The following GNB1L variants were observed in gnomAD, a reference collection of about 807,000 sequenced individuals.
GNB1L encodes G protein subunit beta 1 like.
A neutral mutation model predicts 29.1 loss-of-function variants in GNB1L; 20 were observed. That is an observed-to-expected ratio of 0.69 (90% CI 0.48 to 1.00). GNB1L has a LOEUF of 1.00. Ranked by LOEUF, GNB1L falls within the 50% of genes least tolerant of loss-of-function variation. The pLI, the probability that GNB1L is intolerant of heterozygous loss-of-function variation, is 0.00. For synonymous variants in GNB1L, 193 were observed against 206.5 expected (o/e 0.93, Z 0.56); for missense variants, 421 against 464.9 (o/e 0.91, Z 0.87).
intron 2 of GNB1L, among the ~76,000 whole-genome samples, chr22:19,829,969 A>G (rs2145888726): frequency 6.6e-6 from 1 of 152,332 alleles, no homozygotes; most frequent in East Asian, 1.9e-4. Flanking sequence ...TCGACATTGT[A>G]GTGGCAGTAT....
chr22:19,828,754 A>G (rs951387544), intron 2 of GNB1L, among the ~76,000 whole-genome samples: 1 of 151,666 alleles, frequency 6.6e-6, no homozygotes, highest in Non-Finnish European at 1.5e-5. Context: ...TACCACCTCT[A>G]TAGAGCAGAA....
At chr22:19,809,035 G>A (rs1314113073) in intron 5 of GNB1L, among the ~76,000 whole-genome samples, 1 of 151,948 alleles carries the variant, frequency 6.6e-6, no homozygotes, top group Non-Finnish European at 1.5e-5. Context: ...ACCTGGCAAG[G>A]GCTCCACCCC....
At chr22:19,840,761 G>A (rs1322794867) in intron 2 of GNB1L, among the ~76,000 whole-genome samples, 1 of 151,674 alleles carries the variant, frequency 6.6e-6, no homozygotes, top group Non-Finnish European at 1.5e-5. Flanking sequence ...AGTGAGCCGA[G>A]ATCGTGCCAT....
Position 19,816,890 on chromosome 22 carries a change from C to A in GNB1L, c.254+3708G>T, listed in dbSNP as rs982484344. 6.6e-6 allele frequency among the ~76,000 whole-genome samples: 1 copy of A among 152,206 alleles called. No homozygotes were observed. The highest frequency in any genetic ancestry group is 1.5e-5 in the Non-Finnish European group (1 of 68,042). On this transcript the variant is annotated intron_variant, in intron 4 of 7. Transcript: ENST00000329517. This position sits in a 1 kb window ranked among gnomAD's most constrained non-coding sequence, Gnocchi z 4.4. Reference sequence around the variant, plus strand: ...AGGCTGCCGCTGCCACACCACCCCCCCAACCCTGCTTCTTTGACTGCCTGG... The same window carrying A: ...AGGCTGCCGCTGCCACACCACCCCCACAACCCTGCTTCTTTGACTGCCTGG...
chr22:19,840,061 C>T (rs899372337), intron 2 of GNB1L, among the ~76,000 whole-genome samples: 13 of 121,210 alleles, frequency 1.1e-4, no homozygotes, highest in Non-Finnish European at 2.4e-4. Context: ...AAGATCTTGC[C>T]TCAAAAAAAA....
At chr22:19,847,858 T>C (rs977395384) in intron 2 of GNB1L, 142 of 942,510 alleles carry the variant, frequency 1.5e-4, no homozygotes, top group Non-Finnish European at 1.7e-4. Context: ...ACTTTCATAA[T>C]TGTAACATTG....
rs1938190682 is a variant in GNB1L, at chr22:19,854,554, A to C, written c.-117-15T>G. 6.5e-6 allele frequency: 1 copy of C among 152,726 alleles called. No homozygotes were observed. Among genetic ancestry groups the C allele is most frequent in the African/African-American group, 2.4e-5 (1 of 41,438 alleles). 9.5% of individuals were successfully genotyped at this position (152,726 alleles called of 1,614,324 possible). ...CCAGGCGCCACCTAGAAAGTGGAGA[A>C]CGAGATCGGCCGCCGTGAGGCCAGG... On this transcript the variant is annotated splice_polypyrimidine_tract_variant and intron_variant, in intron 1 of 7. Coordinates refer to ENST00000329517, the MANE Select transcript of GNB1L (RefSeq NM_053004.3).
chr22:19,820,131 C>A (rs1269363182), intron 4 of GNB1L, among the ~76,000 whole-genome samples: 1 of 152,166 alleles, frequency 6.6e-6, no homozygotes, highest in Non-Finnish European at 1.5e-5. Context: ...GCACACGGCC[C>A]AGGCAGGATG....
At chr22:19,837,258 G>A (rs985359350) in intron 2 of GNB1L, among the ~76,000 whole-genome samples, 3 of 152,146 alleles carry the variant, frequency 2.0e-5, no homozygotes, top group Non-Finnish European at 4.4e-5. Flanking sequence ...GAGCCACCAC[G>A]CCCGGCCTGA....
At chr22:19,795,458 G>A (rs1488473621) in intron 7 of GNB1L, among the ~76,000 whole-genome samples, 2 of 152,100 alleles carry the variant, frequency 1.3e-5, no homozygotes, top group Non-Finnish European at 2.9e-5. Context: ...CGGAACACAC[G>A]CTCCTTTCAA....
intron 2 of GNB1L, among the ~76,000 whole-genome samples, chr22:19,840,214 T>A (rs1187528019): frequency 6.6e-6 from 1 of 151,894 alleles, no homozygotes; most frequent in Non-Finnish European, 1.5e-5. Flanking sequence ...GGGGAGCTAG[T>A]GTCGTAATAA....
chr22:19,833,661 C>T lies in GNB1L; in HGVS notation c.-20-12286G>A, dbSNP rs187414030. ...GGTGGATCACTTGAGGTCAGGAGTT[C>T]GAGACTAGCCTGGCCAACATGGTGA... On this transcript the variant is annotated intron_variant, in intron 2 of 7. Coordinates refer to ENST00000329517, the MANE Select transcript of GNB1L (RefSeq NM_053004.3). Among the ~76,000 whole-genome samples the T allele has an allele frequency of 1.7e-3, 257 of 151,982 alleles. 2 individuals are homozygous for T. Among genetic ancestry groups the T allele is most frequent in the African/African-American group, 5.6e-3 (231 of 41,448 alleles).
intron 5 of GNB1L, among the ~76,000 whole-genome samples, chr22:19,807,387 C>T (rs1021892340): frequency 2.0e-5 from 3 of 152,136 alleles, no homozygotes; most frequent in African/African-American, 7.2e-5. Context: ...CCACAAGCAG[C>T]AGACTGCCAG....
At position 19,788,479 on chromosome 22, in the gene GNB1L, T is replaced by C; in HGVS notation, c.*230A>G. 1 of 639,134 alleles carries C rather than the reference T, an allele frequency of 1.6e-6. No individual in the cohort carries two copies. Among genetic ancestry groups the C allele is most frequent in the Non-Finnish European group, 2.9e-6 (1 of 350,148 alleles). The allele number at this position is 639,134 out of a possible 1,614,324, so 39.6% of individuals were successfully genotyped here. On this transcript the variant is annotated 3_prime_UTR_variant, in exon 8 of 8. Coordinates refer to ENST00000329517, the MANE Select transcript of GNB1L (RefSeq NM_053004.3). ...AACACAGCAGGCCCAAGCCAACGTCTCCTGCAGGCCTCGGACGGCCAGGGC... is the reference window on the plus strand; with the variant it reads ...AACACAGCAGGCCCAAGCCAACGTCCCCTGCAGGCCTCGGACGGCCAGGGC...
At chr22:19,791,744 G>T (rs1030196699) in intron 7 of GNB1L, among the ~76,000 whole-genome samples, 1 of 152,228 alleles carries the variant, frequency 6.6e-6, no homozygotes, top group African/African-American at 2.4e-5. Flanking sequence ...CGGGGGTCCA[G>T]TCAGCCTGAA....
At chr22:19,838,633 C>A (rs1244768125) in intron 2 of GNB1L, among the ~76,000 whole-genome samples, 1 of 152,078 alleles carries the variant, frequency 6.6e-6, no homozygotes, top group African/African-American at 2.4e-5. Context: ...CCGCGCCCGG[C>A]TAATTTTTGT....
intron 5 of GNB1L, among the ~76,000 whole-genome samples, chr22:19,807,208 C>G (rs9941975): frequency 3.3e-5 from 5 of 152,200 alleles, no homozygotes; most frequent in South Asian, 4.1e-4. Context: ...CTGGCTCCCC[C>G]ACCTGGACGC....
rs5748449 is a variant in GNB1L, at chr22:19,821,246, C to T, written c.110G>A (p.Arg37His). The T allele has an allele frequency of 0.19, 310,760 of 1,610,594 alleles. 32,038 individuals carry two copies. Among genetic ancestry groups the T allele is most frequent in the Middle Eastern group, 0.28 (1,702 of 6,040 alleles). The change falls in exon 3 of 8, where the codon CGC (arginine) becomes CAC (histidine). Residue 37 changes from arginine to histidine, a missense_variant. By Grantham distance (29) the Arg-to-His change is conservative. Coordinates refer to ENST00000329517, the MANE Select transcript of GNB1L (RefSeq NM_053004.3). ...HFCEGAQAQGRPLLFSGSQSG... is the reference protein window; with the variant it reads ...HFCEGAQAQGHPLLFSGSQSG... ...TACTCACCCTGAGAAGAGGAGCGGG[C>T]GCCCCTGAGCCTGGGCTCCTTCGCA...
chr22:19,812,584 C>T (rs771779766), intron 4 of GNB1L, 137 bp from the exon 5 acceptor site: 4 of 823,872 alleles, frequency 4.9e-6, no homozygotes, highest in African/African-American at 1.7e-5. Context: ...AGGTCGGGAG[C>T]CTCAGCTGAG....
Sources: allele counts gnomAD v4.1 joint callset (sites outside exome capture counted in the v4.1 genomes callset), GRCh38; gene constraint gnomAD v4.1.1; non-coding constraint Gnocchi (gnomAD v3.1); transcripts MANE v1.5; gene names NCBI Gene and HGNC (gene_info 2026-07-23, HGNC 2026-07-21).